The following RYR2 variants were observed in gnomAD, a reference collection of about 807,000 sequenced individuals.
The protein encoded by RYR2 is ryanodine receptor 2.
Under a neutral mutation model 601.1 loss-of-function variants are expected in RYR2, and 227 were observed. The observed-to-expected ratio is 0.38, with a 90% confidence interval of 0.34 to 0.42. The LOEUF (loss-of-function observed/expected upper bound fraction) is 0.42, where lower values mean the gene tolerates loss of function less well. RYR2 is among the 10% of genes least tolerant of loss of function. The probability of loss-of-function intolerance (pLI) is 1.00; values close to 1 mark genes in which losing one functional copy is unlikely to be tolerated. For missense variants in RYR2, 4,646 were observed against 6,156.5 expected (o/e 0.75, Z 8.21); for synonymous variants, 2,223 against 2,175.1 (o/e 1.02, Z -0.61).
At chr1:237,433,392 A>T (rs1707029652) in intron 12 of RYR2, among the ~76,000 whole-genome samples, 1 of 152,128 alleles carries the variant, frequency 6.6e-6, no homozygotes, top group Non-Finnish European at 1.5e-5. Flanking sequence ...GCCCAATGAC[A>T]TAAAAATCCA....
At chr1:237,114,894 G>C (rs895370450) in intron 1 of RYR2, among the ~76,000 whole-genome samples, 3 of 152,150 alleles carry the variant, frequency 2.0e-5, no homozygotes, top group African/African-American at 7.2e-5. Flanking sequence ...ACCAGTGAAG[G>C]CACATCTTTA....
chr1:237,373,691 C>G (rs1458597993), intron 6 of RYR2, among the ~76,000 whole-genome samples: 1 of 152,072 alleles, frequency 6.6e-6, no homozygotes, highest in African/African-American at 2.4e-5. Flanking sequence ...CAGTTAGGAA[C>G]ACGTAAGGGT....
At chr1:237,074,268 G>A (rs1664736934) in intron 1 of RYR2, among the ~76,000 whole-genome samples, 2 of 152,196 alleles carry the variant, frequency 1.3e-5, no homozygotes, top group African/African-American at 2.4e-5. Flanking sequence ...AGTGAGCTAC[G>A]ATTATGCCAC....
chr1:237,342,623 G>A (rs540004647), intron 3 of RYR2, among the ~76,000 whole-genome samples: 14 of 152,278 alleles, frequency 9.2e-5, no homozygotes, highest in South Asian at 6.2e-4. Context: ...GTCAGTACTC[G>A]TAGTACAAAC....
intron 12 of RYR2, among the ~76,000 whole-genome samples, chr1:237,428,219 A>T (rs532990117): frequency 1.9e-4 from 29 of 152,338 alleles, no homozygotes; most frequent in South Asian, 1.9e-3. Context: ...TAGAACCAGA[A>T]ATACAATTTG....
intron 7 of RYR2, among the ~76,000 whole-genome samples, 179 bp from the exon 8 acceptor site, chr1:237,377,142 TAG>T (rs1206406412): frequency 3.9e-5 from 6 of 152,346 alleles, no homozygotes; most frequent in Non-Finnish European, 7.3e-5. Flanking sequence ...ACCCAGTTTC[TAG>T]GAGAAGAATC....
At chr1:237,170,281 G>A (rs1332063457) in intron 1 of RYR2, among the ~76,000 whole-genome samples, 1 of 152,180 alleles carries the variant, frequency 6.6e-6, no homozygotes, top group Non-Finnish European at 1.5e-5. Context: ...CTTCTAGGGG[G>A]AGAGCATTCA....
intron 49 of RYR2, 23 bp from the exon 50 acceptor site, chr1:237,649,851 CCTT>C: frequency 6.2e-7 from 1 of 1,603,002 alleles, no homozygotes; most frequent in Non-Finnish European, 8.5e-7. Context: ...ACACAAATGG[CCTT>C]CTACTCTCTG....
At chr1:237,584,968 TG>T (rs1292067718) in intron 29 of RYR2, among the ~76,000 whole-genome samples, 1 of 152,110 alleles carries the variant, frequency 6.6e-6, no homozygotes, top group East Asian at 1.9e-4. Context: ...CTCAAATTCC[TG>T]GGCTCAAGCG....
intron 3 of RYR2, among the ~76,000 whole-genome samples, chr1:237,334,774 A>C (rs1163591398): frequency 2.0e-5 from 3 of 152,094 alleles, no homozygotes; most frequent in Non-Finnish European, 4.4e-5. Context: ...TCGCTTGCAG[A>C]TCTACCTCTG....
intron 4 of RYR2, among the ~76,000 whole-genome samples, chr1:237,357,080 A>G: frequency 6.6e-6 from 1 of 151,984 alleles, no homozygotes; most frequent in Non-Finnish European, 1.5e-5. Flanking sequence ...TAGCCCTTTA[A>G]AGACAAGGAA....
At chr1:237,654,749 A>G (rs16835603) in intron 52 of RYR2, among the ~76,000 whole-genome samples, 5,713 of 152,266 alleles carry the variant, frequency 0.038, 353 homozygotes, top group African/African-American at 0.13. Flanking sequence ...AGGCCAAAGA[A>G]ATTATATCCA....
At chr1:237,769,180 G>A (rs569054279) in intron 84 of RYR2, among the ~76,000 whole-genome samples, 25 of 152,084 alleles carry the variant, frequency 1.6e-4, no homozygotes, top group African/African-American at 5.8e-4. Context: ...CACAGGGAAA[G>A]AATCAATAAG....
At chr1:237,486,426 T>G (rs1170503551) in intron 17 of RYR2, among the ~76,000 whole-genome samples, 1 of 152,178 alleles carries the variant, frequency 6.6e-6, no homozygotes, top group Non-Finnish European at 1.5e-5. Context: ...GTACTGTAAT[T>G]TGTGTGTTCT....
At chr1:237,225,990 G>T (rs1036523200) in intron 1 of RYR2, among the ~76,000 whole-genome samples, 2 of 152,000 alleles carry the variant, frequency 1.3e-5, no homozygotes, top group African/African-American at 4.8e-5. Flanking sequence ...GGGAGGTGGA[G>T]GTTGCAGTGA....
intron 2 of RYR2, among the ~76,000 whole-genome samples, chr1:237,273,675 C>T (rs985960594): frequency 6.6e-5 from 10 of 151,514 alleles, no homozygotes; most frequent in Non-Finnish European, 1.5e-4. Flanking sequence ...TAGATGTAGT[C>T]TAAAAGTAAA....
intron 79 of RYR2, among the ~76,000 whole-genome samples, chr1:237,737,592 A>G (rs917944187): frequency 6.6e-6 from 1 of 152,232 alleles, no homozygotes; most frequent in African/African-American, 2.4e-5. Flanking sequence ...CATCATTTCT[A>G]TAATTCAAGT....
chr1:237,585,453 G>T (rs1277603159), intron 29 of RYR2, among the ~76,000 whole-genome samples: 1 of 152,100 alleles, frequency 6.6e-6, no homozygotes, highest in Non-Finnish European at 1.5e-5. Context: ...CATTACGCAG[G>T]ATACTTTGTC....
chr1:237,803,564 T>C (rs889117414), intron 98 of RYR2, among the ~76,000 whole-genome samples: 1 of 152,128 alleles, frequency 6.6e-6, no homozygotes, highest in Non-Finnish European at 1.5e-5. Context: ...CCTCCCAAAG[T>C]ACTGGGATTA....
Sources: allele counts gnomAD v4.1 joint callset (sites outside exome capture counted in the v4.1 genomes callset), GRCh38; gene constraint gnomAD v4.1.1; transcripts MANE v1.5; gene names NCBI Gene and HGNC (gene_info 2026-07-23, HGNC 2026-07-21).